The following RASA2 variants were observed in gnomAD, a reference collection of about 807,000 sequenced individuals.
RASA2 encodes ras GTPase-activating protein 2.
RASA2 carries 155 observed loss-of-function variants against 118.2 expected under a neutral mutation model. The ratio of observed to expected loss-of-function variants is 1.31; its 90% CI spans 1.15 to 1.50. RASA2 has a LOEUF of 1.50. RASA2 is among the 40% of genes most tolerant of loss of function. RASA2 has a pLI of 0.00. For synonymous variants in RASA2, 353 were observed against 349.1 expected (o/e 1.01, Z -0.12); for missense variants, 1,016 against 1,009.6 (o/e 1.01, Z -0.09).
intron 16 of RASA2, 88 bp downstream of exon 16, chr3:141,580,539 A>G (rs1577780686): frequency 1.0e-6 from 1 of 972,738 alleles, no homozygotes; most frequent in Non-Finnish European, 1.5e-6. Flanking sequence ...CCTTCTTCCA[A>G]ATTAAAAACA....
chr3:141,524,311 C>T (rs937801307), intron 3 of RASA2, among the ~76,000 whole-genome samples: 1 of 152,156 alleles, frequency 6.6e-6, no homozygotes, highest in Admixed American at 6.5e-5. Context: ...AGGTGTGTCA[C>T]ATTTGCTGAT....
chr3:141,586,080 C>G lies in RASA2; in HGVS notation c.1808C>G (p.Pro603Arg), dbSNP rs1175460906. ...ETKESSGTSE[P>R]VHLKEGEMYK... ...AAAGAGTCCAGTGGTACGAGTGAGC[C>G]TGTGCACCTGAAAGAAGGGTAATTT... is the stretch of plus-strand genomic sequence containing the variant. Residue 603 changes from proline (P) to arginine (R), a missense_variant, in exon 18 of 24, where the codon CCT (proline) becomes CGT (arginine). Pro to Arg is a moderately radical substitution (Grantham distance 103). This residue lies in a region of RASA2 where 896 missense variants were observed against 836.4 expected (regional missense o/e 1.07). Transcript: ENST00000286364. 10 of 1,607,738 alleles carry G rather than the reference C, an allele frequency of 6.2e-6. No homozygotes were observed. Among genetic ancestry groups the G allele is most frequent in the Non-Finnish European group, 8.5e-6 (10 of 1,174,692 alleles).
intron 19 of RASA2, among the ~76,000 whole-genome samples, chr3:141,587,730 A>G (rs920988836): frequency 6.0e-4 from 91 of 151,434 alleles, no homozygotes; most frequent in African/African-American, 2.0e-3. Flanking sequence ...AAAAAAAAAA[A>G]AAAGGAATTA....
intron 1 of RASA2, among the ~76,000 whole-genome samples, chr3:141,498,660 G>T (rs549526711): frequency 9.9e-5 from 15 of 152,002 alleles, no homozygotes; most frequent in African/African-American, 3.4e-4. Context: ...TTTTGTGGAG[G>T]GGGGGCGAAG....
chr3:141,610,056 T>C lies in RASA2; in HGVS notation c.2509T>C (p.Tyr837His). The change falls in exon 23 of 24, where the codon TAT (tyrosine) becomes CAT (histidine). Residue 837 changes from tyrosine to histidine, a missense_variant. Transcript: ENST00000286364. ...YRKKRSSSAKYGSKENPIVGK... is the reference protein window; with the variant it reads ...YRKKRSSSAKHGSKENPIVGK... ...GAAGAAAAGATCCAGTAGTGCAAAA[T>C]ATGGGAGCAAGTGAGTAATTTTTAA... 6.3e-7 allele frequency: 1 copy of C among 1,581,150 alleles called. No individual in the cohort carries two copies. The highest frequency in any genetic ancestry group is 2.3e-5 in the East Asian group (1 of 43,270).
rs536687230 is a variant in RASA2 at position 141,487,154 on chromosome 3, C to T, written c.71C>T (p.Pro24Leu). Residue 24 changes from proline (P) to leucine (L), a missense_variant, in exon 1 of 24, where the codon CCC becomes CTC. Coordinates refer to ENST00000286364, the MANE Select transcript of RASA2 (RefSeq NM_006506.5). ...EAPAASATAEPEAGDQDSREV... is the reference protein window; with the variant it reads ...EAPAASATAELEAGDQDSREV... ...CCAGCGGCGAGTGCGACTGCAGAGC[C>T]CGAGGCCGGGGACCAGGACAGTCGC... 22 of 1,466,644 alleles carry T rather than the reference C, an allele frequency of 1.5e-5. No individual in the cohort carries two copies. In the African/African-American group the frequency reaches 1.6e-4, roughly 11 times the overall value. The allele number at this position is 1,466,644 out of a possible 1,614,324, so 90.9% of individuals were successfully genotyped here.
chr3:141,496,445 C>G (rs1362152512), intron 1 of RASA2, among the ~76,000 whole-genome samples: 2 of 152,124 alleles, frequency 1.3e-5, no homozygotes, highest in African/African-American at 4.8e-5. Flanking sequence ...TATCCAGAAT[C>G]TACAAAGAAC....
intron 4 of RASA2, among the ~76,000 whole-genome samples, chr3:141,535,632 G>A (rs2082316190): frequency 6.6e-6 from 1 of 152,136 alleles, no homozygotes; most frequent in Admixed American, 6.6e-5. Flanking sequence ...TCTGCTTCTG[G>A]TGAGTGCTTC....
chr3:141,563,519 A>G lies in RASA2; in HGVS notation c.863+3524A>G, dbSNP rs190218679. 1.3e-3 allele frequency among the ~76,000 whole-genome samples: 203 copies of G among 152,282 alleles called. 1 individual carries two copies. Among genetic ancestry groups the G allele is most frequent in the East Asian group, 9.6e-4 (5 of 5,190 alleles). ...TAGTTATTCATATATTTAAGTGGTA[A>G]TAGTTATACATCACATATATAAATG... is the stretch of plus-strand genomic sequence containing the variant. On this transcript the variant is annotated intron_variant, in intron 9 of 23. Transcript: ENST00000286364.
chr3:141,601,459 A>T (rs1203714911), intron 19 of RASA2, among the ~76,000 whole-genome samples: 2 of 137,426 alleles, frequency 1.5e-5, no homozygotes, highest in East Asian at 4.2e-4. Context: ...AAAGAAAAAA[A>T]AAAGATGATA....
chr3:141,503,247 T>A (rs1458364156), intron 1 of RASA2, among the ~76,000 whole-genome samples: 1 of 152,118 alleles, frequency 6.6e-6, no homozygotes, highest in Non-Finnish European at 1.5e-5. Context: ...CACATAATCC[T>A]CAAACATCCA....
rs139439364 is a variant in RASA2 at position 141,488,157 on chromosome 3, C to T, written c.133+941C>T. On this transcript the variant is annotated intron_variant, in intron 1 of 23. Coordinates refer to ENST00000286364, the MANE Select transcript of RASA2 (RefSeq NM_006506.5). ...AGTTTTAAAAACGACCCTTTGGTGT[C>T]AGGTTGCCATTTTTTTTTTCACAGT... 1.2e-4 allele frequency among the ~76,000 whole-genome samples: 19 copies of T among 152,048 alleles called. No individual in the cohort carries two copies. The East Asian group carries it at 3.3e-3, about 26-fold the overall frequency.
intron 1 of RASA2, among the ~76,000 whole-genome samples, chr3:141,498,206 T>G (rs2081731080): frequency 6.6e-6 from 1 of 152,230 alleles, no homozygotes; most frequent in South Asian, 2.1e-4. Context: ...TTGTTATTCC[T>G]ATTTTAGAGA....
chr3:141,556,375 A>G (rs2082650269), intron 7 of RASA2, among the ~76,000 whole-genome samples: 1 of 151,768 alleles, frequency 6.6e-6, no homozygotes, highest in African/African-American at 2.4e-5. Context: ...CGGAAGGGAA[A>G]CTAGCAGCAC....
chr3:141,573,488 C>T (rs1316289186), intron 13 of RASA2, among the ~76,000 whole-genome samples: 2 of 152,254 alleles, frequency 1.3e-5, no homozygotes, highest in Middle Eastern at 3.4e-3. Flanking sequence ...AGTTGCAGCC[C>T]CCGTTCTAGC....
intron 4 of RASA2, among the ~76,000 whole-genome samples, chr3:141,539,722 C>T (rs1474022315): frequency 6.6e-6 from 1 of 152,172 alleles, no homozygotes; most frequent in Non-Finnish European, 1.5e-5. Context: ...CAGAATTGCT[C>T]ATCACCAGCG....
intron 1 of RASA2, among the ~76,000 whole-genome samples, chr3:141,502,028 A>G (rs1452605913): frequency 6.6e-6 from 1 of 152,220 alleles, no homozygotes; most frequent in African/African-American, 2.4e-5. Flanking sequence ...AAAACTGAGC[A>G]CCAACATGAT....
chr3:141,540,742 G>A (rs1356553266), intron 5 of RASA2, 133 bp downstream of exon 5: 3 of 707,986 alleles, frequency 4.2e-6, no homozygotes, highest in Non-Finnish European at 7.0e-6. Flanking sequence ...CATTCCTTTT[G>A]TGAAGTTGAT....
chr3:141,586,717 TA>T lies in RASA2; in HGVS notation c.1900del (p.Thr634GlnfsTer21). The part of the protein sequence containing the change: ...KKNFKKRWFC[L>X]TSRELTYHKQ... ...AATTTTAAGAAACGATGGTTCTGCT[TA>T]ACAAGCAGAGAGCTCACCTACCACA... is the stretch of plus-strand genomic sequence containing the variant. On this transcript the variant is annotated frameshift_variant, in exon 19 of 24. Coordinates refer to ENST00000286364, the MANE Select transcript of RASA2 (RefSeq NM_006506.5). LOFTEE classifies it high-confidence loss of function. 1 of 1,613,648 alleles carries T rather than the reference TA, an allele frequency of 6.2e-7. No individual in the cohort carries two copies. The highest frequency in any genetic ancestry group is 8.5e-7 in the Non-Finnish European group (1 of 1,179,666).
Sources: allele counts gnomAD v4.1 joint callset (sites outside exome capture counted in the v4.1 genomes callset), GRCh38; gene constraint gnomAD v4.1.1; regional missense constraint gnomAD v4.1.1; transcripts MANE v1.5; gene names NCBI Gene and HGNC (gene_info 2026-07-23, HGNC 2026-07-21).